Variants in IPCEF1 observed in about 807,000 individuals in gnomAD.
The protein encoded by IPCEF1 is interactor protein for cytohesin exchange factors 1.
In IPCEF1, 31 loss-of-function variants were observed where a neutral mutation model predicts 50.9. That is an observed-to-expected ratio of 0.61 (90% CI 0.46 to 0.82). IPCEF1 has a LOEUF of 0.82. Among genes scored for constraint, IPCEF1 ranks in the 40% least tolerant of loss-of-function variants. The pLI is 0.00. For synonymous variants in IPCEF1, 181 were observed against 192.0 expected (o/e 0.94, Z 0.47); for missense variants, 458 against 514.0 (o/e 0.89, Z 1.05).
chr6:154,318,449 C>T (rs1473464502), intron 1 of IPCEF1, among the ~76,000 whole-genome samples: 4 of 152,146 alleles, frequency 2.6e-5, no homozygotes, highest in Non-Finnish European at 5.9e-5. Flanking sequence ...ATTCATTCCA[C>T]TCTTGCCCTT....
chr6:154,246,096 A>C (rs1003144744), intron 5 of IPCEF1, among the ~76,000 whole-genome samples: 1 of 152,160 alleles, frequency 6.6e-6, no homozygotes, highest in Non-Finnish European at 1.5e-5. Context: ...AAACCAACCC[A>C]TTTGATAAAG....
At chr6:154,300,268 A>G (rs1344630654) in intron 1 of IPCEF1, among the ~76,000 whole-genome samples, 3 of 120,680 alleles carry the variant, frequency 2.5e-5, no homozygotes, top group Non-Finnish European at 5.7e-5. Flanking sequence ...TTTATTTTCT[A>G]TTTGTTTAAA....
chr6:154,224,532 A>G (rs773900748), intron 5 of IPCEF1, among the ~76,000 whole-genome samples: 3 of 151,868 alleles, frequency 2.0e-5, no homozygotes, highest in Non-Finnish European at 2.9e-5. Flanking sequence ...ACACGGTGAA[A>G]CCCCATCTCT....
intron 1 of IPCEF1, among the ~76,000 whole-genome samples, chr6:154,318,712 C>CA (rs57436031): frequency 0.085 from 8,399 of 98,724 alleles, 390 homozygotes; most frequent in African/African-American, 0.14. Context: ...GACCCTGTCT[C>CA]AAAAAAAAAA....
At chr6:154,302,338 CTTTA>C (rs1372100694) in intron 1 of IPCEF1, among the ~76,000 whole-genome samples, 2 of 152,152 alleles carry the variant, frequency 1.3e-5, no homozygotes, top group Non-Finnish European at 2.9e-5. Flanking sequence ...TTCTTGTGTG[CTTTA>C]TTTGTCTCAT....
chr6:154,258,961 T>C (rs552787928), intron 3 of IPCEF1, among the ~76,000 whole-genome samples: 3 of 152,246 alleles, frequency 2.0e-5, no homozygotes, highest in Non-Finnish European at 4.4e-5. Flanking sequence ...TTCCTTCATA[T>C]GATGCCTTTA....
chr6:154,320,265 A>G (rs1012920706), intron 1 of IPCEF1, among the ~76,000 whole-genome samples: 4 of 152,174 alleles, frequency 2.6e-5, no homozygotes, highest in African/African-American at 9.7e-5. Flanking sequence ...ATTTTCAACT[A>G]TTTCAAGACT....
intron 10 of IPCEF1, among the ~76,000 whole-genome samples, chr6:154,174,651 G>A (rs949919322): frequency 6.6e-6 from 1 of 152,254 alleles, no homozygotes; most frequent in African/African-American, 2.4e-5. Context: ...ACCCAATACA[G>A]GAGCACCCAG....
At chr6:154,304,235 T>G (rs1388945521) in intron 1 of IPCEF1, among the ~76,000 whole-genome samples, 1 of 151,922 alleles carries the variant, frequency 6.6e-6, no homozygotes, top group Non-Finnish European at 1.5e-5. Flanking sequence ...AAAATTTTTT[T>G]AATTAAAAAA....
chr6:154,250,152 T>C (rs534101767), intron 3 of IPCEF1, among the ~76,000 whole-genome samples: 9 of 152,234 alleles, frequency 5.9e-5, no homozygotes, highest in Admixed American at 5.2e-4. Context: ...TTGAGAACTT[T>C]ATTGCATCTA....
At chr6:154,206,846 C>A (rs1030977729) in intron 9 of IPCEF1, among the ~76,000 whole-genome samples, 1 of 152,236 alleles carries the variant, frequency 6.6e-6, no homozygotes, top group South Asian at 2.1e-4. Flanking sequence ...TTTTGGGGAA[C>A]AGCAGGCCGT....
chr6:154,313,900 C>G (rs1024089992), intron 1 of IPCEF1, among the ~76,000 whole-genome samples: 1 of 152,022 alleles, frequency 6.6e-6, no homozygotes, highest in African/African-American at 2.4e-5. Context: ...TGTGCCACCA[C>G]ACCTGGCTAA....
At chr6:154,272,955 TA>T (rs1374944961) in intron 2 of IPCEF1, among the ~76,000 whole-genome samples, 1 of 152,236 alleles carries the variant, frequency 6.6e-6, no homozygotes, top group Non-Finnish European at 1.5e-5. Context: ...TATTCCCTAA[TA>T]GACATTATCA....
chr6:154,190,005 TA>T (rs1002541552), intron 10 of IPCEF1, among the ~76,000 whole-genome samples: 1 of 152,056 alleles, frequency 6.6e-6, no homozygotes, highest in Non-Finnish European at 1.5e-5. Context: ...ATGTCAATTA[TA>T]GGTAAGAAAT....
chr6:154,196,554 T>C (rs1318680330), intron 10 of IPCEF1, among the ~76,000 whole-genome samples: 3 of 152,186 alleles, frequency 2.0e-5, no homozygotes, highest in Non-Finnish European at 4.4e-5. Flanking sequence ...CAGAGTAAGG[T>C]TTCTTCATTC....
intron 1 of IPCEF1, among the ~76,000 whole-genome samples, chr6:154,290,218 C>G (rs918491915): frequency 6.6e-6 from 1 of 152,078 alleles, no homozygotes; most frequent in Admixed American, 6.5e-5. Flanking sequence ...TGGGAACACT[C>G]GACTGGTAAG....
chr6:154,190,711 T>C (rs1322179608), intron 10 of IPCEF1, among the ~76,000 whole-genome samples: 1 of 152,220 alleles, frequency 6.6e-6, no homozygotes, highest in Non-Finnish European at 1.5e-5. Flanking sequence ...TGCACCCACA[T>C]GTTGCTAGCA....
intron 5 of IPCEF1, among the ~76,000 whole-genome samples, chr6:154,246,116 G>C (rs1583897515): frequency 6.6e-6 from 1 of 152,090 alleles, no homozygotes; most frequent in East Asian, 1.9e-4. Flanking sequence ...GAAGGTCGGG[G>C]GAAAGAAGGG....
chr6:154,323,337 T>C (rs983185897), intron 1 of IPCEF1, among the ~76,000 whole-genome samples: 18 of 151,980 alleles, frequency 1.2e-4, no homozygotes, highest in Non-Finnish European at 2.4e-4. Context: ...AGGGAACATA[T>C]ATTCTCCATG....
Sources: allele counts gnomAD v4.1 joint callset (sites outside exome capture counted in the v4.1 genomes callset), GRCh38; gene constraint gnomAD v4.1.1; transcripts MANE v1.5; gene names NCBI Gene and HGNC (gene_info 2026-07-23, HGNC 2026-07-21).